LRIG1: variants seen among roughly 807,000 people sequenced by gnomAD.
LRIG1 encodes leucine-rich repeats and immunoglobulin-like domains protein 1.
LRIG1 carries 48 observed loss-of-function variants against 99.2 expected under a neutral mutation model. That is an observed-to-expected ratio of 0.48 (90% CI 0.38 to 0.62). The LOEUF (loss-of-function observed/expected upper bound fraction) is 0.62, where lower values mean the gene tolerates loss of function less well. Ranked by LOEUF, LRIG1 falls within the 20% of genes least tolerant of loss-of-function variation. The pLI is 0.00. For missense variants in LRIG1, 1,646 were observed against 1,434.4 expected (o/e 1.15, Z -2.38); for synonymous variants, 772 against 596.1 (o/e 1.29, Z -4.30).
chr3:66,419,236 C>T (rs990382952), intron 3 of LRIG1, among the ~76,000 whole-genome samples: 24 of 152,200 alleles, frequency 1.6e-4, no homozygotes, highest in African/African-American at 4.1e-4. Flanking sequence ...ATCTCTCCCA[C>T]GCCAGTTCTG....
At chr3:66,464,999 T>C (rs1293704066) in intron 1 of LRIG1, among the ~76,000 whole-genome samples, 3 of 152,176 alleles carry the variant, frequency 2.0e-5, no homozygotes, top group South Asian at 2.1e-4. Context: ...CACTTAGAAG[T>C]GGAAACGTTA....
chr3:66,493,899 G>GA (rs982150874), intron 1 of LRIG1, among the ~76,000 whole-genome samples: 1 of 143,254 alleles, frequency 7.0e-6, no homozygotes, highest in Non-Finnish European at 1.5e-5. Context: ...GGGAAAGAAG[G>GA]AAAAAAAGAA....
At chr3:66,457,466 C>A (rs1286536326) in intron 2 of LRIG1, among the ~76,000 whole-genome samples, 16 of 152,094 alleles carry the variant, frequency 1.1e-4, no homozygotes, top group Admixed American at 9.8e-4. Flanking sequence ...GTAAGACATT[C>A]AACCAGTCAG....
In LRIG1 at chr3:66,380,216, C is replaced by CTCTTTCCCGTAGA. The variant is rs1700953005; in HGVS notation, c.*34_*46dup. The CTCTTTCCCGTAGA allele has an allele frequency of 6.6e-7, 1 of 1,517,482 alleles. No homozygotes were observed. Among genetic ancestry groups the CTCTTTCCCGTAGA allele is most frequent in the Non-Finnish European group, 9.0e-7 (1 of 1,114,002 alleles). The allele number at this position is 1,517,482 out of a possible 1,614,324, so 94.0% of individuals were successfully genotyped here. Reference sequence around the variant, plus strand: ...AGCTTCCTCGCAGCCTCTCCTACCTCTCTTTCCCGTAGAGATTGGTATGAC... The same window carrying CTCTTTCCCGTAGA: ...AGCTTCCTCGCAGCCTCTCCTACCTCTCTTTCCCGTAGATCTTTCCCGTAGAGATTGGTATGAC... On this transcript the variant is annotated 3_prime_UTR_variant, in exon 19 of 19. Coordinates refer to ENST00000273261, the MANE Select transcript of LRIG1 (RefSeq NM_015541.3).
intron 1 of LRIG1, among the ~76,000 whole-genome samples, chr3:66,492,239 G>C (rs1701117751): frequency 6.6e-6 from 1 of 152,164 alleles, no homozygotes; most frequent in Non-Finnish European, 1.5e-5. Flanking sequence ...CATTTAACAG[G>C]CTATCATCAA....
rs1202487164 is a variant in LRIG1 at position 66,401,498 on chromosome 3, A to G, written c.1161-2457T>C. ...ATTAGTCACATTGACCTGTTTTACA[A>G]TGAGGGCAGGCTGTTATTTTTAACG... On this transcript the variant is annotated intron_variant, in intron 9 of 18. Coordinates refer to ENST00000273261, the MANE Select transcript of LRIG1 (RefSeq NM_015541.3). 3.4e-5 allele frequency: 22 copies of G among 656,698 alleles called. 1 individual carries two copies. In the Admixed American group the frequency reaches 6.5e-4, roughly 19 times the overall value. The allele number at this position is 656,698 out of a possible 1,614,324, so 40.7% of individuals were successfully genotyped here.
At chr3:66,494,728 C>T (rs1358171399) in intron 1 of LRIG1, among the ~76,000 whole-genome samples, 1 of 152,168 alleles carries the variant, frequency 6.6e-6, no homozygotes, top group South Asian at 2.1e-4. Context: ...ATACCCACCA[C>T]CCCCTACAAA....
chr3:66,381,970 G>C (rs1209792032), intron 16 of LRIG1, among the ~76,000 whole-genome samples: 3 of 152,160 alleles, frequency 2.0e-5, no homozygotes, highest in Non-Finnish European at 4.4e-5. Context: ...GTAAGGAATG[G>C]GTTGGCTGGG....
At chr3:66,466,182 C>A (rs1575712919) in intron 1 of LRIG1, among the ~76,000 whole-genome samples, 1 of 152,128 alleles carries the variant, frequency 6.6e-6, no homozygotes, top group Non-Finnish European at 1.5e-5. Flanking sequence ...CAGGCACACA[C>A]ACCACCACAC....
intron 12 of LRIG1, chr3:66,388,106 CAAAAAAAAAAAAAA>C (rs34227936): frequency 3.7e-5 from 2 of 53,640 alleles, no homozygotes; most frequent in Non-Finnish European, 5.8e-5. Context: ...GACTCTGTCT[CAAAAAAAAAAAAAA>C]AAAAAAAAAA....
chr3:66,411,570 G>A (rs935263306), intron 6 of LRIG1, among the ~76,000 whole-genome samples: 6 of 152,272 alleles, frequency 3.9e-5, no homozygotes, highest in East Asian at 1.9e-4. Flanking sequence ...GAAGCCCAGC[G>A]GCAGGAAACA....
chr3:66,463,621 T>C (rs1318916260), intron 1 of LRIG1, among the ~76,000 whole-genome samples: 1 of 152,222 alleles, frequency 6.6e-6, no homozygotes, highest in Non-Finnish European at 1.5e-5. Flanking sequence ...GAAAGTAATC[T>C]TTCCTTGCCT....
chr3:66,381,697 G>C (rs984211311), intron 16 of LRIG1, 66 bp from the exon 17 acceptor site: 1 of 1,552,652 alleles, frequency 6.4e-7, no homozygotes, highest in Non-Finnish European at 8.8e-7. Context: ...CCTTATGAAA[G>C]GAATGAGCAA....
rs377189401 is a variant in LRIG1, at chr3:66,384,246, G to C, written c.1816C>G (p.His606Asp). ...GTGGTGGTCCGGATGGTTATGTCGT[G>C]GGGCGTTTTGGTGAATGATGGCAAC... ...NVLPSFTKTPHDITIRTTTMA... is the reference protein window; with the variant it reads ...NVLPSFTKTPDDITIRTTTMA... The change falls in exon 14 of 19, where the codon CAC becomes GAC. Residue 606 changes from histidine to aspartate, a missense_variant. Transcript: ENST00000273261. The C allele has an allele frequency of 2.5e-6, 4 of 1,612,114 alleles. No homozygotes were observed. Among genetic ancestry groups the C allele is most frequent in the Non-Finnish European group, 3.4e-6 (4 of 1,178,250 alleles).
At chr3:66,454,504 C>T (rs959976053) in intron 2 of LRIG1, among the ~76,000 whole-genome samples, 2 of 152,124 alleles carry the variant, frequency 1.3e-5, no homozygotes, top group African/African-American at 2.4e-5. Context: ...ACCCCCTACC[C>T]GCCAATTTAC....
chr3:66,413,990 A>G lies in LRIG1; in HGVS notation c.647+930T>C, dbSNP rs529327228. ...CACAGGAAAAAAAAAAATCAGGGAA[A>G]AAAAGTCCTTCGTCAGGCTCTGGTT... On this transcript the variant is annotated intron_variant, in intron 5 of 18. Transcript: ENST00000273261. Among the ~76,000 whole-genome samples the G allele has an allele frequency of 2.2e-4, 34 of 152,362 alleles. 1 individual carries two copies. The South Asian group carries it at 3.1e-3, about 14-fold the overall frequency.
Position 66,380,478 on chromosome 3 carries a change from A to G in LRIG1, c.3067T>C (p.Trp1023Arg), listed in dbSNP as rs1700973213. 1.2e-6 allele frequency: 2 copies of G among 1,614,218 alleles called. No individual in the cohort carries two copies. Among genetic ancestry groups the G allele is most frequent in the African/African-American group, 1.3e-5 (1 of 75,068 alleles). Reference sequence around the variant, plus strand: ...GGGTGATACAACCTTGCTAAAGTCCAGGAAGAATCCCCTACAAGGAAAGAA... The same window carrying G: ...GGGTGATACAACCTTGCTAAAGTCCGGGAAGAATCCCCTACAAGGAAAGAA... Reference protein sequence around the residue: ...ASLDGKGDSSWTLARLYHPDS... With the variant: ...ASLDGKGDSSRTLARLYHPDS... Residue 1023 changes from tryptophan (W) to arginine (R), a missense_variant, in exon 19 of 19, where the codon TGG becomes CGG. By Grantham distance (101) the Trp-to-Arg change is moderately radical. Transcript: ENST00000273261.
chr3:66,492,273 G>A (rs1408133166), intron 1 of LRIG1, among the ~76,000 whole-genome samples: 2 of 152,186 alleles, frequency 1.3e-5, no homozygotes, highest in Non-Finnish European at 2.9e-5. Context: ...AAGAAAAGAA[G>A]TTCAGTGCAA....
At chr3:66,422,034 C>T (rs1319483842) in intron 3 of LRIG1, among the ~76,000 whole-genome samples, 1 of 152,220 alleles carries the variant, frequency 6.6e-6, no homozygotes, top group Non-Finnish European at 1.5e-5. Context: ...GCTGGAGCAG[C>T]TGGAACACAG....
Sources: allele counts gnomAD v4.1 joint callset (sites outside exome capture counted in the v4.1 genomes callset), GRCh38; gene constraint gnomAD v4.1.1; transcripts MANE v1.5; gene names NCBI Gene and HGNC (gene_info 2026-07-23, HGNC 2026-07-21).